The following ZNF362 variants were observed in gnomAD, a reference collection of about 807,000 sequenced individuals.
The protein encoded by ZNF362 is zinc finger protein 362, also known as rotund homolog.
ZNF362 carries 11 observed loss-of-function variants against 42.9 expected under a neutral mutation model. The observed-to-expected ratio is 0.26, with a 90% CI of 0.16 to 0.42. The LOEUF (loss-of-function observed/expected upper bound fraction) is 0.42. Ranked by LOEUF, ZNF362 falls within the 20% of genes least tolerant of loss-of-function variation. The pLI, the probability that ZNF362 is intolerant of heterozygous loss-of-function variation, is 1.00. For missense variants in ZNF362, 362 were observed against 576.2 expected (o/e 0.63, Z 3.81); for synonymous variants, 255 against 257.3 (o/e 0.99, Z 0.09).
At chr1:33,133,552 A>G in the ZNF362 span, among the ~76,000 whole-genome samples, 1 of 152,182 alleles carries the variant, frequency 6.6e-6, no homozygotes, top group Non-Finnish European at 1.5e-5. Context: ...AGCAGAGTGG[A>G]TGAGGAGAGC....
At chr1:33,228,770 C>G in the ZNF362 span, among the ~76,000 whole-genome samples, 1 of 152,126 alleles carries the variant, frequency 6.6e-6, no homozygotes, top group Non-Finnish European at 1.5e-5. Context: ...CCAACTTTGC[C>G]TTGTCTATTT....
intron 2 of ZNF362, among the ~76,000 whole-genome samples, chr1:33,273,953 C>T (rs969818865): frequency 1.3e-5 from 2 of 152,216 alleles, no homozygotes; most frequent in East Asian, 1.9e-4. Context: ...GCTGGGGATA[C>T]CCAGATGAAC....
chr1:33,242,441 C>T, the ZNF362 span, among the ~76,000 whole-genome samples: 1 of 152,118 alleles, frequency 6.6e-6, no homozygotes, highest in African/African-American at 2.4e-5. Flanking sequence ...TGGGTTCTCT[C>T]ATTCCACACT....
chr1:33,275,700 A>C (rs1013922121), intron 2 of ZNF362, among the ~76,000 whole-genome samples: 3 of 152,184 alleles, frequency 2.0e-5, no homozygotes, highest in Non-Finnish European at 2.9e-5. Flanking sequence ...AATTTGCTGC[A>C]GTCCTCCCCA....
intron 1 of ZNF362, among the ~76,000 whole-genome samples, chr1:33,265,706 A>T (rs1645860638): frequency 6.6e-6 from 1 of 151,934 alleles, no homozygotes; most frequent in East Asian, 1.9e-4. Flanking sequence ...CCTCTCCTAG[A>T]CCATCTGCTT....
At chr1:33,261,766 C>T (rs1293862745) in intron 1 of ZNF362, 2 of 152,204 alleles carry the variant, frequency 1.3e-5, no homozygotes, top group African/African-American at 2.4e-5. Flanking sequence ...AGCCAAACTT[C>T]ATTCTACCCG....
chr1:33,190,707 C>T, the ZNF362 span, among the ~76,000 whole-genome samples: 2 of 152,174 alleles, frequency 1.3e-5, no homozygotes, highest in Non-Finnish European at 2.9e-5. Context: ...GCGCCACAAC[C>T]ACCCTTCTGT....
chr1:33,146,131 G>C, the ZNF362 span: 3 of 263,496 alleles, frequency 1.1e-5, no homozygotes, highest in African/African-American at 2.3e-5. Context: ...GGAGTTCCTG[G>C]AAATTCAGCA....
chr1:33,136,224 T>G, the ZNF362 span, among the ~76,000 whole-genome samples: 1 of 150,082 alleles, frequency 6.7e-6, no homozygotes, highest in Admixed American at 6.6e-5. Flanking sequence ...CCTTCCCTCC[T>G]TTCTTTCTCT....
At chr1:33,246,590 T>A in the ZNF362 span, among the ~76,000 whole-genome samples, 1 of 152,220 alleles carries the variant, frequency 6.6e-6, no homozygotes, top group Admixed American at 6.5e-5. Context: ...CCACCTGAGA[T>A]GGTACAGCTC....
At chr1:33,145,805 A>C in the ZNF362 span, 1 of 467,758 alleles carries the variant, frequency 2.1e-6, no homozygotes, top group East Asian at 7.0e-5. Context: ...TCACGATTGG[A>C]TGCTGTGGCA....
At chr1:33,159,720 G>C in the ZNF362 span, 7 of 1,611,356 alleles carry the variant, frequency 4.3e-6, no homozygotes, top group Non-Finnish European at 5.9e-6. The surrounding 1 kb of genome is among the most constrained non-coding windows in gnomAD (Gnocchi z 4.2). Context: ...CAGCCAGGAA[G>C]GTGTGCCGGT....
rs745425657 is a variant in ZNF362, at chr1:33,280,335, C to A, written c.561C>A (p.Pro187=). 1 of 1,614,076 alleles carries A rather than the reference C, an allele frequency of 6.2e-7. No individual in the cohort carries two copies. The highest frequency in any genetic ancestry group is 8.5e-7 in the Non-Finnish European group (1 of 1,179,956). The part of the protein sequence containing the change: ...KTIQGHGLLG[P]PKSERGRKKI... ...TCCAGGGCCACGGCCTGCTTGGCCC[C>A]CCCAAGTCCGAACGCGGCCGCAAAA... The change falls in exon 5 of 9, where the codon CCC becomes CCA. Residue 187 remains proline, a synonymous_variant. Coordinates refer to ENST00000539719, the MANE Select transcript of ZNF362 (RefSeq NM_152493.3). The surrounding 1 kb of genome is among the most constrained non-coding windows in gnomAD (Gnocchi z 5.6).
rs908296766 is a variant in ZNF362, at chr1:33,299,007, G to T, written c.1224G>T (p.Thr408=). The T allele has an allele frequency of 6.2e-7, 1 of 1,612,296 alleles. No homozygotes were observed. The highest frequency in any genetic ancestry group is 8.5e-7 in the Non-Finnish European group (1 of 1,180,004). ...TGAGCCATCACTCGCCCCAGAGGAC[G>T]GAGTCCCCCGGCATCCCGGTGCGAA... ...HLVSHHSPQR[T]ESPGIPVRIS... Residue 408 remains threonine, a synonymous_variant, in exon 9 of 9, where the codon ACG becomes ACT. Transcript: ENST00000539719.
At chr1:33,260,967 T>G (rs1645824493) in intron 1 of ZNF362, among the ~76,000 whole-genome samples, 1 of 152,204 alleles carries the variant, frequency 6.6e-6, no homozygotes, top group Non-Finnish European at 1.5e-5. Context: ...TCTTACAAAG[T>G]GGACTCTCAC....
At chr1:33,135,131 C>CA in the ZNF362 span, among the ~76,000 whole-genome samples, 6 of 151,900 alleles carry the variant, frequency 3.9e-5, no homozygotes, top group South Asian at 2.1e-4. Context: ...ACTAAAAATA[C>CA]AAAAAAAATT....
At chr1:33,298,874 C>G (rs1646144002) in intron 8 of ZNF362, 56 bp from the exon 9 acceptor site, 1 of 1,495,268 alleles carries the variant, frequency 6.7e-7, no homozygotes, top group Non-Finnish European at 9.3e-7. Flanking sequence ...GAACTGCAGC[C>G]TCTTCTCCCT....
upstream of ZNF362, among the ~76,000 whole-genome samples, chr1:33,256,033 G>A (rs1465299933): frequency 1.3e-5 from 2 of 151,602 alleles, no homozygotes; most frequent in African/African-American, 4.8e-5. Flanking sequence ...CCCCCGCGCT[G>A]GGGAAGGGGC....
chr1:33,256,891 G>A (rs1645796108), intron 1 of ZNF362, among the ~76,000 whole-genome samples: 2 of 150,440 alleles, frequency 1.3e-5, no homozygotes, highest in South Asian at 4.1e-4. Flanking sequence ...GCGTGTCTGG[G>A]GCTGGTCTCC....
Sources: allele counts gnomAD v4.1 joint callset (sites outside exome capture counted in the v4.1 genomes callset), GRCh38; gene constraint gnomAD v4.1.1; non-coding constraint Gnocchi (gnomAD v3.1); transcripts MANE v1.5; gene names NCBI Gene and HGNC (gene_info 2026-07-23, HGNC 2026-07-21).